The following FBXO22 variants were observed in gnomAD, a reference collection of about 807,000 sequenced individuals.
FBXO22 encodes the protein F-box protein 22.
In FBXO22, 13 loss-of-function variants were observed where a neutral mutation model predicts 37.2. That is an observed-to-expected ratio of 0.35 (90% CI 0.23 to 0.56). The LOEUF (loss-of-function observed/expected upper bound fraction) is 0.56, where lower values mean the gene tolerates loss of function less well. FBXO22 is among the 20% of genes least tolerant of loss of function. The probability of loss-of-function intolerance (pLI) is 0.87; values close to 1 mark genes in which losing one functional copy is unlikely to be tolerated. For synonymous variants in FBXO22, 189 were observed against 189.1 expected (o/e 1.00, Z 0.00); for missense variants, 446 against 509.9 (o/e 0.87, Z 1.21).
At chr15:75,910,336 TCAC>T (rs1900026753) in intron 2 of FBXO22, 1 of 152,252 alleles carries the variant, frequency 6.6e-6, no homozygotes, top group African/African-American at 2.4e-5. Flanking sequence ...CCTTGAGGAA[TCAC>T]CACACTGTCT....
intron 5 of FBXO22, among the ~76,000 whole-genome samples, chr15:75,922,978 A>T (rs185200420): frequency 8.5e-5 from 13 of 152,220 alleles, no homozygotes; most frequent in Admixed American, 7.2e-4. Flanking sequence ...CCCATTAGAG[A>T]TGCTTGTTTT....
chr15:75,919,527 A>C (rs1468163720), intron 5 of FBXO22, among the ~76,000 whole-genome samples: 1 of 152,226 alleles, frequency 6.6e-6, no homozygotes, highest in South Asian at 2.1e-4. Flanking sequence ...CTCTCCAGTT[A>C]GGGCAAGTTT....
intron 5 of FBXO22, among the ~76,000 whole-genome samples, chr15:75,929,584 ATAGC>A (rs2141723723): frequency 6.6e-6 from 1 of 151,968 alleles, no homozygotes; most frequent in Admixed American, 6.6e-5. Flanking sequence ...TGCTCAGTAC[ATAGC>A]TGCTTCATTA....
At chr15:75,927,477 T>G (rs952190946) in intron 5 of FBXO22, among the ~76,000 whole-genome samples, 1 of 151,994 alleles carries the variant, frequency 6.6e-6, no homozygotes, top group African/African-American at 2.4e-5. Flanking sequence ...TAATGTAGAG[T>G]CTGTCATTAT....
At chr15:75,911,073 T>G (rs1431937455) in intron 2 of FBXO22, among the ~76,000 whole-genome samples, 1 of 152,246 alleles carries the variant, frequency 6.6e-6, no homozygotes, top group African/African-American at 2.4e-5. Context: ...CAGATCGTTG[T>G]AGATGTGTGG....
chr15:75,936,484 A>G lies in FBXO22; in HGVS notation c.*3382A>G, dbSNP rs1325104719. On this transcript the variant is annotated 3_prime_UTR_variant, in exon 7 of 7. Coordinates refer to ENST00000308275, the MANE Select transcript of FBXO22 (RefSeq NM_147188.3). ...GTTTTATATATTTAACTTCTACCCT[A>G]TGCCACAACTGAAGACAGGTTACAA... 4 of 152,252 alleles carry G rather than the reference A, an allele frequency of 2.6e-5. No individual in the cohort carries two copies. Among genetic ancestry groups the G allele is most frequent in the Non-Finnish European group, 5.9e-5 (4 of 68,046 alleles). 9.4% of individuals were successfully genotyped at this position (152,252 alleles called of 1,614,324 possible). A position where few individuals can be genotyped will look rare whatever the true frequency, so the allele number is the denominator to read the frequency against.
intron 4 of FBXO22, among the ~76,000 whole-genome samples, chr15:75,916,504 C>T (rs567786859): frequency 1.3e-5 from 2 of 152,308 alleles, no homozygotes; most frequent in South Asian, 4.1e-4. Context: ...GGGTCCTACC[C>T]TTGTGACCTC....
rs750445737 is a variant in FBXO22, at chr15:75,932,768, A to G, written c.878A>G (p.Asn293Ser). The G allele has an allele frequency of 3.7e-6, 6 of 1,614,244 alleles. No individual in the cohort carries two copies. The East Asian group carries it at 8.9e-5, about 24-fold the overall frequency. ...ATCCAGAGTGCCACTGTGCTCCTCA[A>G]CGAGGACGTCAGTGATGAGAAGACT... ...HRIQSATVLLNEDVSDEKTAE... is the reference protein window; with the variant it reads ...HRIQSATVLLSEDVSDEKTAE... Residue 293 changes from asparagine to serine, a missense_variant, in exon 7 of 7, where the codon AAC becomes AGC. This residue lies in a region of FBXO22 where 315 missense variants were observed against 410.1 expected (regional missense o/e 0.77). Transcript: ENST00000308275.
intron 2 of FBXO22, 41 bp from the exon 3 acceptor site, chr15:75,913,162 A>C: frequency 3.0e-6 from 4 of 1,344,386 alleles, no homozygotes; most frequent in Non-Finnish European, 4.2e-6. Context: ...GCACTGATGG[A>C]TTCATGGGAT....
chr15:75,933,421 T>G lies in FBXO22; in HGVS notation c.*319T>G, dbSNP rs945519237. ...CCTGCATAGGAAGAGCAAAAGGGTA[T>G]TCATCAATAGGATATAGATTTAAGA... On this transcript the variant is annotated 3_prime_UTR_variant, in exon 7 of 7. Coordinates refer to ENST00000308275, the MANE Select transcript of FBXO22 (RefSeq NM_147188.3). 2 of 271,292 alleles carry G rather than the reference T, an allele frequency of 7.4e-6. No individual in the cohort carries two copies. The highest frequency in any genetic ancestry group is 2.7e-3 in the Middle Eastern group (2 of 750). 16.8% of individuals were successfully genotyped at this position (271,292 alleles called of 1,614,324 possible).
chr15:75,915,907 A>G (rs1327446510), intron 4 of FBXO22, among the ~76,000 whole-genome samples: 6 of 151,498 alleles, frequency 4.0e-5, no homozygotes, highest in Admixed American at 3.3e-4. Flanking sequence ...CTCAAAAAAA[A>G]AAAAAAAGCT....
Position 75,913,398 on chromosome 15 carries a change from G to A in FBXO22, c.367+108G>A, listed in dbSNP as rs1405864860. On this transcript the variant is annotated intron_variant, in intron 3 of 6. Transcript: ENST00000308275. ...GAGTTAACTGACTTTCTGAGGCTCTGGGACTGCCACCTGTAGTATGCATCA... is the reference window on the plus strand; with the variant it reads ...GAGTTAACTGACTTTCTGAGGCTCTAGGACTGCCACCTGTAGTATGCATCA... The A allele has an allele frequency of 8.6e-6, 6 of 699,696 alleles. No individual in the cohort carries two copies. In the Admixed American group the frequency reaches 9.3e-5, roughly 11 times the overall value. 43.3% of individuals were successfully genotyped at this position (699,696 alleles called of 1,614,324 possible).
At position 75,932,757 on chromosome 15, in the gene FBXO22, T is replaced by C; in HGVS notation, c.867T>C (p.Thr289=). 6.2e-7 allele frequency: 1 copy of C among 1,614,274 alleles called. No homozygotes were observed. Among genetic ancestry groups the C allele is most frequent in the Non-Finnish European group, 8.5e-7 (1 of 1,180,050 alleles). ...SFSGHRIQSA[T]VLLNEDVSDE... ...GTGGACACCGAATCCAGAGTGCCAC[T>C]GTGCTCCTCAACGAGGACGTCAGTG... Residue 289 remains threonine (T), a synonymous_variant, in exon 7 of 7, where the codon ACT becomes ACC. Transcript: ENST00000308275.
chr15:75,922,313 T>C (rs755158121), intron 5 of FBXO22, among the ~76,000 whole-genome samples: 1 of 152,226 alleles, frequency 6.6e-6, no homozygotes, highest in Non-Finnish European at 1.5e-5. Flanking sequence ...CAAAGTGTTA[T>C]GTGGTGCTTG....
At chr15:75,929,766 A>G in intron 5 of FBXO22, 118 bp from the exon 6 acceptor site, 1 of 1,118,182 alleles carries the variant, frequency 8.9e-7, no homozygotes, top group Non-Finnish European at 1.3e-6. Context: ...TTGATAGCTT[A>G]AGCCACTAAA....
chr15:75,913,054 T>C (rs1390542723), intron 2 of FBXO22, 149 bp from the exon 3 acceptor site: 15 of 503,300 alleles, frequency 3.0e-5, no homozygotes, highest in African/African-American at 5.8e-5. Flanking sequence ...GGTTGTTCAG[T>C]TTCCATGTAG....
At position 75,932,943 on chromosome 15, in the gene FBXO22, T is replaced by C. The variant is rs760929745; in HGVS notation, c.1053T>C (p.Ser351=). The change falls in exon 7 of 7, where the codon AGT becomes AGC. Residue 351 remains serine (S), a synonymous_variant. Coordinates refer to ENST00000308275, the MANE Select transcript of FBXO22 (RefSeq NM_147188.3). ...ATGCATTTAGAAAGTTTTTTCCTAG[T>C]GTTCCCTTATTCGGCTTCTTTGGAA... ...EADAFRKFFP[S]VPLFGFFGNG... 1 of 1,614,158 alleles carries C rather than the reference T, an allele frequency of 6.2e-7. No individual in the cohort carries two copies. Among genetic ancestry groups the C allele is most frequent in the African/African-American group, 1.3e-5 (1 of 74,954 alleles).
At chr15:75,926,667 A>G (rs1401422017) in intron 5 of FBXO22, among the ~76,000 whole-genome samples, 1 of 152,198 alleles carries the variant, frequency 6.6e-6, no homozygotes, top group South Asian at 2.1e-4. Context: ...GAAAAACACT[A>G]GTCACAAACG....
At chr15:75,916,763 C>T (rs1243097174) in intron 4 of FBXO22, among the ~76,000 whole-genome samples, 1 of 152,092 alleles carries the variant, frequency 6.6e-6, no homozygotes, top group Non-Finnish European at 1.5e-5. Context: ...CAGTGTGGGA[C>T]ATTCAGGTTT....
Sources: gnomAD v4.1 joint callset for allele counts (sites outside exome capture counted in the v4.1 genomes callset) on GRCh38, gnomAD v4.1.1 for gene constraint, gnomAD v4.1.1 regional missense constraint, MANE v1.5 for transcripts, NCBI Gene and HGNC (gene_info 2026-07-23, HGNC 2026-07-21) for gene names.